JMJD1C: variants seen among roughly 807,000 people sequenced by gnomAD.
JMJD1C encodes the protein jumonji domain-containing protein 1C.
Under a neutral mutation model 245.3 loss-of-function variants are expected in JMJD1C, and 31 were observed. The observed-to-expected ratio is 0.13, with a 90% confidence interval of 0.09 to 0.17. JMJD1C has a LOEUF of 0.17. JMJD1C is among the 10% of genes least tolerant of loss of function. JMJD1C has a pLI of 1.00. For synonymous variants in JMJD1C, 1,057 were observed against 1,017.4 expected, an observed-to-expected ratio of 1.04 and a Z score of -0.74; for missense variants, 2,691 against 3,000.2, an observed-to-expected ratio of 0.90 and a Z score of 2.41.
intron 1 of JMJD1C, among the ~76,000 whole-genome samples, chr10:63,412,626 T>A (rs1471210276): frequency 6.6e-6 from 1 of 152,210 alleles, no homozygotes; most frequent in African/African-American, 2.4e-5. Flanking sequence ...ACTGCATCTT[T>A]ATGTTTGTTT....
intron 2 of JMJD1C, among the ~76,000 whole-genome samples, chr10:63,344,268 A>G (rs781256871): frequency 2.6e-4 from 39 of 152,264 alleles, no homozygotes; most frequent in Non-Finnish European, 5.4e-4. Flanking sequence ...ATGTTTAGAT[A>G]CACAAAAACT....
chr10:63,287,565 A>G (rs1199577497), intron 2 of JMJD1C, among the ~76,000 whole-genome samples: 3 of 152,216 alleles, frequency 2.0e-5, no homozygotes, highest in Non-Finnish European at 4.4e-5. Flanking sequence ...AAAGAAATAG[A>G]AATGTTTAGT....
At chr10:63,377,645 G>A (rs1946854730) in intron 2 of JMJD1C, among the ~76,000 whole-genome samples, 1 of 152,068 alleles carries the variant, frequency 6.6e-6, no homozygotes, top group Non-Finnish European at 1.5e-5. Context: ...TGAGGCAGGA[G>A]AATTGCTTGA....
Position 63,215,145 on chromosome 10 carries a change from G to T in JMJD1C, c.1022C>A (p.Pro341His). 1 of 1,541,884 alleles carries T rather than the reference G, an allele frequency of 6.5e-7. No homozygotes were observed. The highest frequency in any genetic ancestry group is 8.7e-7 in the Non-Finnish European group (1 of 1,144,480). The change falls in exon 8 of 26, where the codon CCT (proline) becomes CAT (histidine). Residue 341 changes from proline to histidine, a missense_variant. Transcript: ENST00000399262. ...CATCAAGTGTTTGTTTTTACCTTTA[G>T]GATTTTCTGTAGGATTAAAGAAAGA... is the stretch of plus-strand genomic sequence containing the variant. Reference protein sequence around the residue: ...KYDYISRGENPKGKNKHLMNK... With the variant: ...KYDYISRGENHKGKNKHLMNK...
At chr10:63,235,293 C>T (rs922402125) in intron 3 of JMJD1C, among the ~76,000 whole-genome samples, 3 of 152,008 alleles carry the variant, frequency 2.0e-5, no homozygotes, top group East Asian at 1.9e-4. Flanking sequence ...GTCACGAGTT[C>T]GAGACCAGCC....
Position 63,214,074 on chromosome 10 carries a change from G to C in JMJD1C, c.2093C>G (p.Thr698Ser), listed in dbSNP as rs753079156. Residue 698 changes from threonine (T) to serine (S), a missense_variant, in exon 8 of 26, where the codon ACT becomes AGT. Physicochemically the swap from Thr to Ser is moderately conservative, Grantham distance 58 (BLOSUM62 1). This residue lies in a region of JMJD1C where 1,562 missense variants were observed against 1,490.7 expected (regional missense o/e 1.05). Transcript: ENST00000399262. ...ATCAATGATAAGAGGACTCTTTGTA[G>C]TTTCTAATGTACTGCTTCGAGTAGG... ...PIPTRSSTLE[T>S]TKSPLIIDKN... The C allele has an allele frequency of 6.2e-7, 1 of 1,614,090 alleles. No homozygotes were observed. The highest frequency in any genetic ancestry group is 1.1e-5 in the South Asian group (1 of 91,082).
chr10:63,308,357 A>C (rs1236579964), intron 2 of JMJD1C, among the ~76,000 whole-genome samples: 1 of 152,096 alleles, frequency 6.6e-6, no homozygotes, highest in Non-Finnish European at 1.5e-5. Context: ...TGACCCACAA[A>C]ATAAGGTTCC....
chr10:63,263,486 T>G (rs1359069725), intron 3 of JMJD1C, among the ~76,000 whole-genome samples: 1 of 152,194 alleles, frequency 6.6e-6, no homozygotes, highest in Non-Finnish European at 1.5e-5. Context: ...GTAACAAGTC[T>G]GAAATAAAAT....
At chr10:63,379,671 G>A (rs1307076579) in intron 2 of JMJD1C, among the ~76,000 whole-genome samples, 1 of 152,130 alleles carries the variant, frequency 6.6e-6, no homozygotes, top group African/African-American at 2.4e-5. Context: ...GTTTCATTCA[G>A]CAAAGTTGTT....
intron 24 of JMJD1C, among the ~76,000 whole-genome samples, chr10:63,173,677 G>A (rs1292584491): frequency 1.3e-5 from 2 of 151,958 alleles, no homozygotes; most frequent in African/African-American, 4.8e-5. Flanking sequence ...AGCTATGACT[G>A]TGCCACTGCA....
At chr10:63,242,427 C>A (rs961339429) in intron 3 of JMJD1C, among the ~76,000 whole-genome samples, 2 of 152,072 alleles carry the variant, frequency 1.3e-5, no homozygotes, top group African/African-American at 4.8e-5. Flanking sequence ...GTTTAGGATA[C>A]ATGAAAAAAG....
chr10:63,277,731 C>CTTTTTTTTTTCTTTTTTT (rs1856946059), intron 2 of JMJD1C, among the ~76,000 whole-genome samples: 1 of 64,262 alleles, frequency 1.6e-5, no homozygotes, highest in African/African-American at 7.1e-5. Flanking sequence ...ATTTGCATTT[C>CTTTTTTTTTTCTTTTTTT]TTTTTTTTTT....
chr10:63,350,710 G>A (rs914164700), intron 2 of JMJD1C, among the ~76,000 whole-genome samples: 4 of 151,004 alleles, frequency 2.6e-5, no homozygotes, highest in Non-Finnish European at 4.4e-5. Flanking sequence ...TCTGCCTCCC[G>A]GTTTCATGCC....
At chr10:63,174,370 C>G (rs1473986431) in intron 24 of JMJD1C, among the ~76,000 whole-genome samples, 1 of 152,012 alleles carries the variant, frequency 6.6e-6, no homozygotes, top group Admixed American at 6.5e-5. Context: ...AAAGAATCAA[C>G]TGATAAATAC....
At chr10:63,277,196 ATTTTTTTAT>A (rs893258591) in intron 2 of JMJD1C, among the ~76,000 whole-genome samples, 5 of 149,536 alleles carry the variant, frequency 3.3e-5, no homozygotes, top group African/African-American at 1.2e-4. Flanking sequence ...AGTAATCTCT[ATTTTTTTAT>A]TTTTTTTAAT....
chr10:63,406,716 C>A (rs544134689), intron 1 of JMJD1C, among the ~76,000 whole-genome samples: 1 of 151,966 alleles, frequency 6.6e-6, no homozygotes, highest in Non-Finnish European at 1.5e-5. Flanking sequence ...AATAATACAG[C>A]ACAAGCAGGT....
chr10:63,415,072 G>A (rs1475423928), intron 1 of JMJD1C, among the ~76,000 whole-genome samples: 1 of 152,050 alleles, frequency 6.6e-6, no homozygotes, highest in African/African-American at 2.4e-5. Context: ...ATCCTCTTCA[G>A]GATACAACTC....
At chr10:63,501,915 A>G (rs1196681482) in intron 1 of JMJD1C, among the ~76,000 whole-genome samples, 2 of 152,230 alleles carry the variant, frequency 1.3e-5, no homozygotes, top group African/African-American at 4.8e-5. Context: ...AGGCGAGAAG[A>G]AAGGAGGCAG....
chr10:63,296,833 G>C (rs1002248935), intron 2 of JMJD1C, among the ~76,000 whole-genome samples: 1 of 152,148 alleles, frequency 6.6e-6, no homozygotes, highest in Non-Finnish European at 1.5e-5. Context: ...ACAGTATGAA[G>C]TTCTTAAAAG....
Sources: gnomAD v4.1 joint callset for allele counts (sites outside exome capture counted in the v4.1 genomes callset) on GRCh38, gnomAD v4.1.1 for gene constraint, gnomAD v4.1.1 regional missense constraint, MANE v1.5 for transcripts, NCBI Gene and HGNC (gene_info 2026-07-23, HGNC 2026-07-21) for gene names.